The following PTPRQ variants were observed in gnomAD, a reference collection of about 807,000 sequenced individuals.
PTPRQ encodes protein tyrosine phosphatase receptor type Q, also known as phosphatidylinositol phosphatase PTPRQ.
In PTPRQ, 199 loss-of-function variants were observed where a neutral mutation model predicts 246.0. The observed-to-expected ratio is 0.81, with a 90% CI of 0.72 to 0.91. PTPRQ has a LOEUF of 0.91. Among genes scored for constraint, PTPRQ ranks in the 40% least tolerant of loss-of-function variants. PTPRQ has a pLI of 0.00. For missense variants in PTPRQ, 2,624 were observed against 2,528.4 expected (o/e 1.04, Z -0.81); for synonymous variants, 869 against 853.2 (o/e 1.02, Z -0.32).
At chr12:80,505,655 C>CT (rs1220768857) in intron 14 of PTPRQ, among the ~76,000 whole-genome samples, 2 of 151,898 alleles carry the variant, frequency 1.3e-5, no homozygotes, top group African/African-American at 2.4e-5. Flanking sequence ...ACCTACTGAT[C>CT]TTTTTTTCAT....
chr12:80,546,516 T>C lies in PTPRQ; in HGVS notation c.3874-40T>C, dbSNP rs1896310020. On this transcript the variant is annotated intron_variant, in intron 23 of 44. Coordinates refer to ENST00000644991, the MANE Select transcript of PTPRQ (RefSeq NM_001145026.2). Reference sequence around the variant, plus strand: ...AATATTCCATTGATGAACAATTTTTTGACAGTGCATTAACTAATAACTTTT... The same window carrying C: ...AATATTCCATTGATGAACAATTTTTCGACAGTGCATTAACTAATAACTTTT... The C allele has an allele frequency of 4.0e-6, 6 of 1,513,466 alleles. No homozygotes were observed. In the South Asian group the frequency reaches 7.9e-5, roughly 20 times the overall value. 93.8% of individuals were successfully genotyped at this position (1,513,466 alleles called of 1,614,324 possible). A position where few individuals can be genotyped will look rare whatever the true frequency, so the allele number is the denominator to read the frequency against.
chr12:80,670,600 G>A (rs796352212), intron 42 of PTPRQ, 108 bp downstream of exon 42: 116 of 1,373,028 alleles, frequency 8.4e-5, no homozygotes, highest in South Asian at 1.9e-4. Flanking sequence ...CCAGCTTGCC[G>A]TCTTCAGAGA....
At chr12:80,560,047 C>T (rs1039739208) in intron 25 of PTPRQ, among the ~76,000 whole-genome samples, 2 of 152,122 alleles carry the variant, frequency 1.3e-5, no homozygotes, top group Admixed American at 6.5e-5. Context: ...TTTGGGGAAA[C>T]GAGACCAAAG....
chr12:80,460,327 A>T (rs1893117387), intron 5 of PTPRQ, among the ~76,000 whole-genome samples: 1 of 152,216 alleles, frequency 6.6e-6, no homozygotes, highest in Non-Finnish European at 1.5e-5. Context: ...CAAGAGTAAA[A>T]TTATTTCAGC....
At chr12:80,459,854 A>G (rs1432501811) in intron 5 of PTPRQ, among the ~76,000 whole-genome samples, 6 of 152,172 alleles carry the variant, frequency 3.9e-5, no homozygotes, top group Non-Finnish European at 8.8e-5. Context: ...TGAGGTGGAA[A>G]AGTGTAAGAT....
At chr12:80,621,878 ATTAT>A (rs1469116256) in intron 32 of PTPRQ, among the ~76,000 whole-genome samples, 179 bp from the exon 33 acceptor site, 2 of 152,074 alleles carry the variant, frequency 1.3e-5, no homozygotes, top group African/African-American at 4.8e-5. Context: ...GTACGAGATA[ATTAT>A]TTGTCTCATA....
chr12:80,610,278 G>A (rs1311058639), intron 27 of PTPRQ, among the ~76,000 whole-genome samples, 161 bp from the exon 28 acceptor site: 1 of 150,332 alleles, frequency 6.7e-6, no homozygotes, highest in East Asian at 1.9e-4. Flanking sequence ...TTAGTAAGCT[G>A]TTATAATAGC....
At position 80,679,113 on chromosome 12, in the gene PTPRQ, C is replaced by A. The variant is rs879858542; in HGVS notation, c.*90C>A. 21 of 1,451,748 alleles carry A rather than the reference C, an allele frequency of 1.4e-5. No individual in the cohort carries two copies. Among genetic ancestry groups the A allele is most frequent in the African/African-American group, 1.3e-4 (9 of 69,794 alleles). The allele number at this position is 1,451,748 out of a possible 1,614,324, so 89.9% of individuals were successfully genotyped here. On this transcript the variant is annotated 3_prime_UTR_variant, in exon 45 of 45. Coordinates refer to ENST00000644991, the MANE Select transcript of PTPRQ (RefSeq NM_001145026.2). ...CATTCTTCCGAATTGAAATGTGCAA[C>A]CTTAAAGAAATATCTATGCTTCTCT...
intron 17 of PTPRQ, among the ~76,000 whole-genome samples, chr12:80,518,908 T>C (rs1895387488): frequency 6.6e-6 from 1 of 152,156 alleles, no homozygotes; most frequent in South Asian, 2.1e-4. Flanking sequence ...AGTCAGATAA[T>C]GCGATTCCTC....
intron 26 of PTPRQ, among the ~76,000 whole-genome samples, chr12:80,599,077 A>T (rs575425664): frequency 6.6e-6 from 1 of 152,038 alleles, no homozygotes; most frequent in East Asian, 1.9e-4. Flanking sequence ...AGGCAAAATG[A>T]TGGTCTATCC....
At chr12:80,621,069 T>A (rs1898966725) in intron 32 of PTPRQ, among the ~76,000 whole-genome samples, 1 of 151,928 alleles carries the variant, frequency 6.6e-6, no homozygotes, top group Non-Finnish European at 1.5e-5. Flanking sequence ...AGTAATTTTT[T>A]AAATGCAGGT....
intron 6 of PTPRQ, among the ~76,000 whole-genome samples, chr12:80,463,770 C>A (rs539681771): frequency 1.3e-5 from 2 of 151,120 alleles, no homozygotes; most frequent in Non-Finnish European, 2.9e-5. Context: ...CCAAACTAAG[C>A]TTCATAAGTG....
At chr12:80,554,718 T>A (rs1896593153) in intron 25 of PTPRQ, among the ~76,000 whole-genome samples, 1 of 152,154 alleles carries the variant, frequency 6.6e-6, no homozygotes. Flanking sequence ...TGACTTGGCA[T>A]GTATTCAATT....
chr12:80,555,564 G>A (rs1264751757), intron 25 of PTPRQ, among the ~76,000 whole-genome samples: 1 of 152,074 alleles, frequency 6.6e-6, no homozygotes, highest in Non-Finnish European at 1.5e-5. Flanking sequence ...TTGAAATAAA[G>A]GATGTAGGAA....
At chr12:80,451,215 A>C (rs979555963) in intron 3 of PTPRQ, among the ~76,000 whole-genome samples, 1 of 150,760 alleles carries the variant, frequency 6.6e-6, no homozygotes, top group African/African-American at 2.4e-5. Context: ...CTGTGGGATC[A>C]GTGGTAATAT....
chr12:80,640,934 T>G (rs985421761), intron 35 of PTPRQ, among the ~76,000 whole-genome samples: 1 of 152,224 alleles, frequency 6.6e-6, no homozygotes, highest in Non-Finnish European at 1.5e-5. Context: ...CTGTACAGGC[T>G]TCTCATTCTG....
chr12:80,456,245 CT>C (rs1386860965), intron 3 of PTPRQ, among the ~76,000 whole-genome samples: 1 of 151,962 alleles, frequency 6.6e-6, no homozygotes, highest in African/African-American at 2.4e-5. Context: ...GGAAGTGTGC[CT>C]ATTTGCAGAA....
At chr12:80,528,405 A>G (rs1895753329) in intron 17 of PTPRQ, among the ~76,000 whole-genome samples, 1 of 152,148 alleles carries the variant, frequency 6.6e-6, no homozygotes, top group Admixed American at 6.6e-5. Flanking sequence ...AGAGTATAAT[A>G]ACTTATATTT....
chr12:80,542,743 T>C lies in PTPRQ; in HGVS notation c.3735T>C (p.Pro1245=), dbSNP rs752213838. The C allele has an allele frequency of 1.9e-6, 3 of 1,544,166 alleles. No homozygotes were observed. The highest frequency in any genetic ancestry group is 4.9e-5 in the East Asian group (2 of 40,536). The part of the protein sequence containing the change: ...FYTDESVPLA[P]PQNLTLINCT... ...GTTTTCCTACAGTGCCGTTAGCACC[T>C]CCACAAAATTTGACTTTAATCAACT... The change falls in exon 23 of 45, where the codon CCT becomes CCC. Residue 1245 remains proline, a synonymous_variant. Coordinates refer to ENST00000644991, the MANE Select transcript of PTPRQ (RefSeq NM_001145026.2).
Sources: gnomAD v4.1 joint callset for allele counts (sites outside exome capture counted in the v4.1 genomes callset) on GRCh38, gnomAD v4.1.1 for gene constraint, MANE v1.5 for transcripts, NCBI Gene and HGNC (gene_info 2026-07-23, HGNC 2026-07-21) for gene names.